The following PEAK1 variants were observed in gnomAD, a reference collection of about 807,000 sequenced individuals.
PEAK1 encodes the protein inactive tyrosine-protein kinase PEAK1.
In PEAK1, 54 loss-of-function variants were observed where a neutral mutation model predicts 124.7. The observed-to-expected ratio is 0.43, with a 90% CI of 0.35 to 0.54. The LOEUF is 0.54. Ranked by LOEUF, PEAK1 falls within the 20% of genes least tolerant of loss-of-function variation. The pLI, the probability that PEAK1 is intolerant of heterozygous loss-of-function variation, is 0.01. For missense variants in PEAK1, 2,046 were observed against 2,134.5 expected (o/e 0.96, Z 0.82); for synonymous variants, 719 against 760.0 (o/e 0.95, Z 0.89).
intron 1 of PEAK1, among the ~76,000 whole-genome samples, chr15:77,416,892 A>G (rs531989519): frequency 6.6e-6 from 1 of 152,358 alleles, no homozygotes; most frequent in East Asian, 1.9e-4. Context: ...ATATTATTAA[A>G]ATTAATTTCA....
intron 2 of PEAK1, among the ~76,000 whole-genome samples, chr15:77,298,513 C>T (rs1250403500): frequency 6.6e-6 from 1 of 151,984 alleles, no homozygotes; most frequent in African/African-American, 2.4e-5. Flanking sequence ...CCACCACGCC[C>T]GGCCGGTATC....
intron 1 of PEAK1, among the ~76,000 whole-genome samples, chr15:77,370,478 G>A (rs1346546641): frequency 6.6e-6 from 1 of 152,198 alleles, no homozygotes; most frequent in Non-Finnish European, 1.5e-5. Context: ...AAAAAGGGAC[G>A]TTCCAGGCAG....
intron 2 of PEAK1, among the ~76,000 whole-genome samples, chr15:77,339,804 G>C (rs772091554): frequency 1.3e-4 from 20 of 152,130 alleles, no homozygotes; most frequent in Non-Finnish European, 2.6e-4. Context: ...TCCACATTAA[G>C]AAAACAATCT....
chr15:77,327,130 T>C (rs2065627719), intron 2 of PEAK1, among the ~76,000 whole-genome samples: 1 of 152,140 alleles, frequency 6.6e-6, no homozygotes, highest in South Asian at 2.1e-4. Context: ...GAAAAGACCA[T>C]AAATGAGTAA....
rs777874088 is a variant in PEAK1, at chr15:77,339,852, G to A, written c.-603+25311C>T. Among the ~76,000 whole-genome samples, 16 of 152,224 alleles carry A rather than the reference G, an allele frequency of 1.1e-4. No individual in the cohort carries two copies. In the South Asian group the frequency reaches 1.4e-3, roughly 14 times the overall value. ...GGCCAGTGATCTGAGCAGACACCTCGTCAAAGAAGATACATATATGAAAAA... is the reference window on the plus strand; with the variant it reads ...GGCCAGTGATCTGAGCAGACACCTCATCAAAGAAGATACATATATGAAAAA... On this transcript the variant is annotated intron_variant, in intron 2 of 9. Coordinates refer to ENST00000682557, the MANE Select transcript of PEAK1 (RefSeq NM_001385026.1).
At position 77,343,574 on chromosome 15, in the gene PEAK1, C is replaced by A. The variant is rs114339732; in HGVS notation, c.-603+21589G>T. ...CAATCTCGTCTTACTGCAACGTCCA[C>A]CCCCTGGGTTCAATGATTCTCCTGC... On this transcript the variant is annotated intron_variant, in intron 2 of 9. Coordinates refer to ENST00000682557, the MANE Select transcript of PEAK1 (RefSeq NM_001385026.1). Among the ~76,000 whole-genome samples the A allele has an allele frequency of 4.7e-3, 712 of 151,438 alleles. 4 individuals are homozygous for A. The highest frequency in any genetic ancestry group is 0.016 in the African/African-American group (658 of 41,196).
intron 2 of PEAK1, chr15:77,355,858 G>A (rs955191545): frequency 2.0e-6 from 2 of 985,140 alleles, no homozygotes; most frequent in African/African-American, 1.7e-5. Context: ...ATCAGCCCTG[G>A]AAAAGTTACA....
intron 1 of PEAK1, among the ~76,000 whole-genome samples, chr15:77,391,763 T>C (rs2070479360): frequency 6.6e-6 from 1 of 152,208 alleles, no homozygotes; most frequent in African/African-American, 2.4e-5. Flanking sequence ...ACTCGTGACA[T>C]TGTATACTAC....
intron 1 of PEAK1, among the ~76,000 whole-genome samples, chr15:77,407,914 C>CATATAT (rs2071978625): frequency 1.6e-5 from 2 of 128,084 alleles, no homozygotes; most frequent in Admixed American, 7.9e-5. Flanking sequence ...CATATATATA[C>CATATAT]ACATATATAC....
Position 77,181,446 on chromosome 15 carries a change from T to G in PEAK1, c.481A>C (p.Thr161Pro). ...TCATTTCCTCTTATCTGAGGGGCAG[T>G]ATCCAAGCCTGCTATCTCCTTTAAC... is the stretch of plus-strand genomic sequence containing the variant. ...EVLKEIAGLDTAPQIRGNETN... is the reference protein window; with the variant it reads ...EVLKEIAGLDPAPQIRGNETN... Residue 161 changes from threonine (T) to proline (P), a missense_variant, in exon 7 of 10, where the codon ACT becomes CCT. Thr to Pro is a conservative substitution (Grantham distance 38). Transcript: ENST00000682557. 2 of 1,614,198 alleles carry G rather than the reference T, an allele frequency of 1.2e-6. No individual in the cohort carries two copies. The highest frequency in any genetic ancestry group is 1.7e-6 in the Non-Finnish European group (2 of 1,180,020).
intron 9 of PEAK1, among the ~76,000 whole-genome samples, chr15:77,118,889 A>C (rs2051636625): frequency 6.6e-6 from 1 of 151,816 alleles, no homozygotes; most frequent in Non-Finnish European, 1.5e-5. Context: ...ATCTACTTAA[A>C]ATGCTGTGAA....
rs146550673 is a variant in PEAK1 at position 77,369,472 on chromosome 15, A to T, written c.-665-4247T>A. Among the ~76,000 whole-genome samples, 993 of 152,266 alleles carry T rather than the reference A, an allele frequency of 6.5e-3. 10 individuals carry two copies. Among genetic ancestry groups the T allele is most frequent in the African/African-American group, 0.023 (952 of 41,536 alleles). Reference sequence around the variant, plus strand: ...CCATATGTGCAGGAACAAGTACCCTAATCAACTAAATCAGTGATCAAACTA... The same window carrying T: ...CCATATGTGCAGGAACAAGTACCCTTATCAACTAAATCAGTGATCAAACTA... On this transcript the variant is annotated intron_variant, in intron 1 of 9. Coordinates refer to ENST00000682557, the MANE Select transcript of PEAK1 (RefSeq NM_001385026.1).
intron 2 of PEAK1, among the ~76,000 whole-genome samples, chr15:77,304,190 G>C (rs541156712): frequency 1.9e-4 from 29 of 152,238 alleles, no homozygotes; most frequent in African/African-American, 5.8e-4. Flanking sequence ...ATGAGCTTTA[G>C]AATCAGTTTG....
At chr15:77,144,304 G>A (rs2054015848) in intron 8 of PEAK1, among the ~76,000 whole-genome samples, 1 of 151,968 alleles carries the variant, frequency 6.6e-6, no homozygotes, top group Non-Finnish European at 1.5e-5. Context: ...TTACATTTTT[G>A]CCTTAGCAAG....
intron 1 of PEAK1, among the ~76,000 whole-genome samples, chr15:77,408,062 TACACATATATACATATATACAC>T (rs1295755904): frequency 7.8e-6 from 1 of 127,514 alleles, no homozygotes; most frequent in South Asian, 2.3e-4. Context: ...CATGCATAGA[TACACATATATACATATATACAC>T]ATATATACAC....
chr15:77,359,993 G>T (rs1351680816), intron 2 of PEAK1, among the ~76,000 whole-genome samples: 1 of 152,158 alleles, frequency 6.6e-6, no homozygotes, highest in Non-Finnish European at 1.5e-5. Flanking sequence ...AAAGTTGGAA[G>T]AACTTACACT....
intron 6 of PEAK1, among the ~76,000 whole-genome samples, chr15:77,206,912 C>T (rs1436211828): frequency 6.6e-6 from 1 of 152,080 alleles, no homozygotes; most frequent in East Asian, 1.9e-4. Context: ...GGTACCAAAA[C>T]AGAGATATAG....
At chr15:77,203,048 A>T (rs536046043) in intron 6 of PEAK1, among the ~76,000 whole-genome samples, 1 of 151,970 alleles carries the variant, frequency 6.6e-6, no homozygotes, top group African/African-American at 2.4e-5. Flanking sequence ...GAAAAAAAAA[A>T]AAAAAAGAAA....
chr15:77,394,053 G>A (rs1211395022), intron 1 of PEAK1, among the ~76,000 whole-genome samples: 1 of 152,172 alleles, frequency 6.6e-6, no homozygotes, highest in East Asian at 1.9e-4. Flanking sequence ...TGTGGAAAGG[G>A]AAGGGAAGAG....
Sources: allele counts gnomAD v4.1 joint callset (sites outside exome capture counted in the v4.1 genomes callset), GRCh38; gene constraint gnomAD v4.1.1; transcripts MANE v1.5; gene names NCBI Gene and HGNC (gene_info 2026-07-23, HGNC 2026-07-21).